The following VPS4B variants were observed in gnomAD, a reference collection of about 807,000 sequenced individuals.
The protein encoded by VPS4B is vacuolar protein sorting 4 homolog B.
In VPS4B, 23 loss-of-function variants were observed where a neutral mutation model predicts 56.1. The ratio of observed to expected loss-of-function variants is 0.41; its 90% CI spans 0.30 to 0.58. The LOEUF is 0.58. Among genes scored for constraint, VPS4B ranks in the 20% least tolerant of loss-of-function variants. VPS4B has a pLI of 0.29. For missense variants in VPS4B, 372 were observed against 531.9 expected, an observed-to-expected ratio of 0.70 and a Z score of 2.96; for synonymous variants, 177 against 186.0, an observed-to-expected ratio of 0.95 and a Z score of 0.39.
At chr18:63,402,558 C>G (rs1026098119) in intron 5 of VPS4B, among the ~76,000 whole-genome samples, 2 of 151,832 alleles carry the variant, frequency 1.3e-5, no homozygotes, top group African/African-American at 2.4e-5. Flanking sequence ...ATGCTATACT[C>G]TAGTAAAAAT....
intron 4 of VPS4B, 150 bp downstream of exon 4, chr18:63,407,282 T>A (rs1568087985): frequency 5.9e-6 from 4 of 682,698 alleles, no homozygotes; most frequent in Admixed American, 3.2e-5. Flanking sequence ...GAAAACACTC[T>A]AAACAAAGCC....
Position 63,411,409 on chromosome 18 carries a change from G to C in VPS4B, c.139+58C>G, listed in dbSNP as rs927413349. 1.6e-5 allele frequency: 20 copies of C among 1,231,300 alleles called. 1 individual carries two copies. In the East Asian group the frequency reaches 5.5e-4, roughly 34 times the overall value. 76.3% of individuals were successfully genotyped at this position (1,231,300 alleles called of 1,614,324 possible). ...CATTATATTTCAATTTTTTAGAAAT[G>C]AAACAGAATAAATTTTCCTTTTCGT... On this transcript the variant is annotated intron_variant, in intron 2 of 10. Transcript: ENST00000238497.
At chr18:63,394,923 T>G (rs1387761383) in intron 9 of VPS4B, among the ~76,000 whole-genome samples, 1 of 152,246 alleles carries the variant, frequency 6.6e-6, no homozygotes, top group Admixed American at 6.5e-5. Context: ...GGGATTTTTG[T>G]CTTTTTTGAC....
chr18:63,410,391 A>G lies in VPS4B; in HGVS notation c.195T>C (p.Tyr65=). The G allele has an allele frequency of 6.2e-7, 1 of 1,613,674 alleles. No homozygotes were observed. Among genetic ancestry groups the G allele is most frequent in the South Asian group, 1.1e-5 (1 of 91,078 alleles). ...KQSIRAKCTE[Y]LDRAEKLKEY... ...CCTTTAGTTTTTCTGCTCTATCAAGATATTCTGTACACTTTGCCCTGATAC... is the reference window on the plus strand; with the variant it reads ...CCTTTAGTTTTTCTGCTCTATCAAGGTATTCTGTACACTTTGCCCTGATAC... The change falls in exon 3 of 11, where the codon TAT becomes TAC. Residue 65 remains tyrosine, a synonymous_variant. Coordinates refer to ENST00000238497, the MANE Select transcript of VPS4B (RefSeq NM_004869.4).
At chr18:63,422,139 C>T in intron 1 of VPS4B, 94 bp downstream of exon 1, 1 of 1,330,588 alleles carries the variant, frequency 7.5e-7, no homozygotes, top group South Asian at 1.7e-5. Context: ...ACCACAGGCG[C>T]GGCCGCTTCC....
chr18:63,421,056 AAAG>A lies in VPS4B; in HGVS notation c.27+1174_27+1176del, dbSNP rs1916287497. On this transcript the variant is annotated intron_variant, in intron 1 of 10. Transcript: ENST00000238497. The stretch of plus-strand genomic sequence containing the variant: ...CCGTCTCAAAAAAAAAAAAAAAAAG[AAAG>A]AAAAGAAAAGGAAAAAAACACAGAC... Among the ~76,000 whole-genome samples the A allele has an allele frequency of 2.0e-5, 3 of 151,056 alleles. 1 individual carries two copies. In the South Asian group the frequency reaches 6.2e-4, roughly 31 times the overall value.
chr18:63,398,597 G>A lies in VPS4B; in HGVS notation c.872+645C>T, dbSNP rs147147098. Among the ~76,000 whole-genome samples, 697 of 151,922 alleles carry A rather than the reference G, an allele frequency of 4.6e-3. 11 individuals carry two copies. Among genetic ancestry groups the A allele is most frequent in the Admixed American group, 0.031 (465 of 15,240 alleles). ...TCACATCTGTAATTCCAGCACTCTCGGAGGCTGAGGCGGGTGGATCATGAG... is the reference window on the plus strand; with the variant it reads ...TCACATCTGTAATTCCAGCACTCTCAGAGGCTGAGGCGGGTGGATCATGAG... On this transcript the variant is annotated intron_variant, in intron 8 of 10. Transcript: ENST00000238497.
chr18:63,416,466 T>C (rs796085796), intron 1 of VPS4B: 2 of 152,666 alleles, frequency 1.3e-5, no homozygotes, highest in South Asian at 2.1e-4. Flanking sequence ...CCATCAAACA[T>C]TATCTTCCCT....
At chr18:63,398,760 G>A (rs1332381749) in intron 8 of VPS4B, among the ~76,000 whole-genome samples, 1 of 151,330 alleles carries the variant, frequency 6.6e-6, no homozygotes, top group African/African-American at 2.4e-5. Context: ...ACTTGAACCC[G>A]GGAGGTGGAG....
chr18:63,391,769 C>T (rs1356865329), intron 10 of VPS4B, among the ~76,000 whole-genome samples: 3 of 152,304 alleles, frequency 2.0e-5, no homozygotes, highest in Non-Finnish European at 4.4e-5. Flanking sequence ...ATATCATTCA[C>T]TTACACTTAA....
At position 63,403,741 on chromosome 18, in the gene VPS4B, C is replaced by G. The variant is rs750788864; in HGVS notation, c.450G>C (p.Val150=). The G allele has an allele frequency of 9.9e-6, 16 of 1,612,788 alleles. No homozygotes were observed. In the Admixed American group the frequency reaches 2.7e-4, roughly 27 times the overall value. Residue 150 remains valine, a synonymous_variant, in exon 5 of 11, where the codon GTG becomes GTC. Transcript: ENST00000238497. Reference sequence around the variant, plus strand: ...GATGAGGAAATTTAATAGGCAGTATCACAGCCTCTTTCAGTGCTTCTTTGG... The same window carrying G: ...GATGAGGAAATTTAATAGGCAGTATGACAGCCTCTTTCAGTGCTTCTTTGG... ...EGAKEALKEA[V]ILPIKFPHLF... is the part of the protein sequence containing the mutation.
rs1183432940 is a variant in VPS4B, at chr18:63,422,360, G to A, written c.-101C>T. On this transcript the variant is annotated 5_prime_UTR_variant, in exon 1 of 11. Transcript: ENST00000238497. ...GGGTAACAGCCCTCAAACTGGGGAG[G>A]CCGGTGGTTCTCGGACCGCGAAGGG... 9.9e-6 allele frequency: 12 copies of A among 1,214,408 alleles called. No homozygotes were observed. The Admixed American group carries it at 1.1e-4, about 12-fold the overall frequency. 75.2% of individuals were successfully genotyped at this position (1,214,408 alleles called of 1,614,324 possible).
Position 63,390,932 on chromosome 18 carries a change from G to A in VPS4B, c.*43C>T. Reference sequence around the variant, plus strand: ...GATCCAAATAGACAAAAATATCTATGAAAGAAAGAATACATATGGTAAGCA... The same window carrying A: ...GATCCAAATAGACAAAAATATCTATAAAAGAAAGAATACATATGGTAAGCA... On this transcript the variant is annotated 3_prime_UTR_variant, in exon 11 of 11. Coordinates refer to ENST00000238497, the MANE Select transcript of VPS4B (RefSeq NM_004869.4). The A allele has an allele frequency of 7.4e-7, 1 of 1,357,548 alleles. No homozygotes were observed. 84.1% of individuals were successfully genotyped at this position (1,357,548 alleles called of 1,614,324 possible). A position where few individuals can be genotyped will look rare whatever the true frequency, so the allele number is the denominator to read the frequency against.
intron 10 of VPS4B, among the ~76,000 whole-genome samples, chr18:63,392,163 T>G (rs965268185): frequency 1.3e-5 from 2 of 152,186 alleles, no homozygotes; most frequent in African/African-American, 2.4e-5. Flanking sequence ...AAACCTGCCA[T>G]TAAAGGTCTT....
At position 63,400,571 on chromosome 18, in the gene VPS4B, G is replaced by C. The variant is rs1342434212; in HGVS notation, c.617C>G (p.Ser206Cys). 1 of 1,606,954 alleles carries C rather than the reference G, an allele frequency of 6.2e-7. No individual in the cohort carries two copies. The highest frequency in any genetic ancestry group is 1.7e-5 in the Admixed American group (1 of 57,720). Residue 206 changes from serine to cysteine, a missense_variant, in exon 6 of 11, where the codon TCT (serine) becomes TGT (cysteine). Ser to Cys is a moderately radical substitution (Grantham distance 112). Coordinates refer to ENST00000238497, the MANE Select transcript of VPS4B (RefSeq NM_004869.4). Reference protein sequence around the residue: ...FFSISSSDLVSKWLGESEKLV... With the variant: ...FFSISSSDLVCKWLGESEKLV... ...CTTTTCACTTTCACCTAGCCACTTAGAAACAAGATCAGAGGAAGATATTGA... is the reference window on the plus strand; with the variant it reads ...CTTTTCACTTTCACCTAGCCACTTACAAACAAGATCAGAGGAAGATATTGA...
chr18:63,419,287 G>A (rs1457853576), intron 1 of VPS4B, among the ~76,000 whole-genome samples: 1 of 152,160 alleles, frequency 6.6e-6, no homozygotes, highest in Non-Finnish European at 1.5e-5. Context: ...GTTGGTGCAT[G>A]CCTGTAATCC....
chr18:63,412,539 C>T (rs968872316), intron 1 of VPS4B, among the ~76,000 whole-genome samples: 3 of 152,058 alleles, frequency 2.0e-5, no homozygotes, highest in Non-Finnish European at 2.9e-5. Flanking sequence ...CAGTCAATGG[C>T]ACCGAGTCAG....
At chr18:63,403,585 C>A in intron 5 of VPS4B, 122 bp downstream of exon 5, 2 of 1,092,182 alleles carry the variant, frequency 1.8e-6, no homozygotes, top group Non-Finnish European at 1.3e-6. Context: ...TATATCACCA[C>A]CTTTTAACAG....
At chr18:63,410,093 G>A (rs941021937) in intron 3 of VPS4B, among the ~76,000 whole-genome samples, 197 bp downstream of exon 3, 1 of 152,112 alleles carries the variant, frequency 6.6e-6, no homozygotes, top group Non-Finnish European at 1.5e-5. Flanking sequence ...TTGTTGTTAC[G>A]GCACGAAAGC....
Sources: allele counts gnomAD v4.1 joint callset (sites outside exome capture counted in the v4.1 genomes callset), GRCh38; gene constraint gnomAD v4.1.1; transcripts MANE v1.5; gene names NCBI Gene and HGNC (gene_info 2026-07-23, HGNC 2026-07-21).